Variants in PHLPP2 observed in about 807,000 individuals in gnomAD.
PHLPP2 encodes PH domain leucine-rich repeat-containing protein phosphatase 2.
A neutral mutation model predicts 124.9 loss-of-function variants in PHLPP2; 66 were observed. The ratio of observed to expected loss-of-function variants is 0.53; its 90% CI spans 0.43 to 0.65. The LOEUF (loss-of-function observed/expected upper bound fraction) is 0.65, where lower values mean the gene tolerates loss of function less well. Ranked by LOEUF, PHLPP2 falls within the 30% of genes least tolerant of loss-of-function variation. The pLI, the probability that PHLPP2 is intolerant of heterozygous loss-of-function variation, is 0.00. For missense variants in PHLPP2, 1,685 were observed against 1,600.4 expected, an observed-to-expected ratio of 1.05 and a Z score of -0.90; for synonymous variants, 681 against 624.7, an observed-to-expected ratio of 1.09 and a Z score of -1.34.
chr16:71,662,593 TATA>T (rs779114906), intron 13 of PHLPP2, among the ~76,000 whole-genome samples: 5 of 152,210 alleles, frequency 3.3e-5, no homozygotes, highest in Non-Finnish European at 7.3e-5. Context: ...TCATAAAAAT[TATA>T]ATTTTATAAT....
chr16:71,723,725 C>A, intron 1 of PHLPP2: 2 of 982,158 alleles, frequency 2.0e-6, no homozygotes, highest in Non-Finnish European at 2.8e-6. Context: ...GTCCGCTTGC[C>A]CGCTCGCCCG....
chr16:71,693,577 C>T (rs1475623878), intron 3 of PHLPP2, among the ~76,000 whole-genome samples: 1 of 152,194 alleles, frequency 6.6e-6, no homozygotes, highest in African/African-American at 2.4e-5. Flanking sequence ...CCAGACTGAT[C>T]TTCCCTGGGC....
At chr16:71,718,573 C>G (rs1312176027) in intron 1 of PHLPP2, among the ~76,000 whole-genome samples, 5 of 142,852 alleles carry the variant, frequency 3.5e-5, no homozygotes, top group Non-Finnish European at 6.0e-5. Flanking sequence ...GTGCAAGACT[C>G]TATCTCAAAA....
At chr16:71,701,139 GACCATCCCTCCAGCTAA>G (rs566476849) in intron 3 of PHLPP2, among the ~76,000 whole-genome samples, 1,781 of 152,120 alleles carry the variant, frequency 0.012, 17 homozygotes, top group South Asian at 0.034. Context: ...CCCAAGCCAG[GACCATCCCTCCAGCTAA>G]ACTGCTCCTA....
At chr16:71,685,402 T>C (rs1051036464) in intron 4 of PHLPP2, among the ~76,000 whole-genome samples, 3 of 152,220 alleles carry the variant, frequency 2.0e-5, no homozygotes, top group African/African-American at 7.2e-5. Context: ...AGTCTTTTTA[T>C]AGTCATGGAA....
At chr16:71,720,234 G>A (rs1157513213) in intron 1 of PHLPP2, among the ~76,000 whole-genome samples, 2 of 151,864 alleles carry the variant, frequency 1.3e-5, no homozygotes, top group Non-Finnish European at 2.9e-5. Flanking sequence ...CTCCCAAAGT[G>A]CTGGGATTAC....
intron 3 of PHLPP2, among the ~76,000 whole-genome samples, chr16:71,693,363 T>G (rs1268433616): frequency 6.6e-6 from 1 of 152,152 alleles, no homozygotes; most frequent in African/African-American, 2.4e-5. Context: ...TTCTCACAAC[T>G]CAAGCTCATC....
rs2045421311 is a variant in PHLPP2 at position 71,724,643 on chromosome 16, G to A, written c.-321C>T. ...TTGTTGCCAATGGGCCAAATTTGGA[G>A]TCAGCCAGCCTGTTTCCAGATCTCC... On this transcript the variant is annotated 5_prime_UTR_variant, in exon 1 of 19. Transcript: ENST00000568954. The A allele has an allele frequency of 6.6e-6, 1 of 152,218 alleles. No homozygotes were observed. The highest frequency in any genetic ancestry group is 1.9e-4 in the East Asian group (1 of 5,200). 9.4% of individuals were successfully genotyped at this position (152,218 alleles called of 1,614,324 possible).
intron 4 of PHLPP2, among the ~76,000 whole-genome samples, chr16:71,688,565 T>C (rs757487252): frequency 1.4e-4 from 21 of 152,054 alleles, no homozygotes; most frequent in Admixed American, 3.9e-4. Flanking sequence ...CTTCTGATGG[T>C]TGAGTTTGTG....
intron 10 of PHLPP2, among the ~76,000 whole-genome samples, chr16:71,671,579 C>T (rs1219025601): frequency 6.6e-6 from 1 of 151,816 alleles, no homozygotes; most frequent in African/African-American, 2.4e-5. Context: ...ATAAGACCAA[C>T]ATGAGTTATA....
intron 9 of PHLPP2, among the ~76,000 whole-genome samples, chr16:71,673,684 A>G (rs1252337233): frequency 6.6e-6 from 1 of 152,168 alleles, no homozygotes; most frequent in African/African-American, 2.4e-5. Context: ...GTACATACTT[A>G]AATATTTACA....
intron 9 of PHLPP2, among the ~76,000 whole-genome samples, chr16:71,674,861 G>A (rs1458483523): frequency 6.6e-6 from 1 of 152,144 alleles, no homozygotes; most frequent in South Asian, 2.1e-4. Context: ...GATGGGCATG[G>A]TGGCACACTC....
At chr16:71,670,895 T>C (rs2044886999) in intron 10 of PHLPP2, among the ~76,000 whole-genome samples, 1 of 151,884 alleles carries the variant, frequency 6.6e-6, no homozygotes, top group Non-Finnish European at 1.5e-5. Flanking sequence ...AAGGTGGGTG[T>C]TTGGAAGCTG....
intron 2 of PHLPP2, among the ~76,000 whole-genome samples, chr16:71,710,513 T>C (rs991770138): frequency 5.3e-5 from 8 of 152,236 alleles, no homozygotes; most frequent in Admixed American, 2.6e-4. Flanking sequence ...GTTTAGTCAA[T>C]GCAACACCAA....
Position 71,702,638 on chromosome 16 carries a change from A to C in PHLPP2, c.378T>G (p.Ala126=). The change falls in exon 3 of 19, where the codon GCT becomes GCG. Residue 126 remains alanine (A), a synonymous_variant. Coordinates refer to ENST00000568954, the MANE Select transcript of PHLPP2 (RefSeq NM_015020.3). ...TCATACAGCCGAGGTCAGGATTTGTAGCCTCCTCCTGTATGCGCACAGGAT... is the reference window on the plus strand; with the variant it reads ...TCATACAGCCGAGGTCAGGATTTGTCGCCTCCTCCTGTATGCGCACAGGAT... ...FDDPVRIQEE[A]TNPDLGCMIR... The C allele has an allele frequency of 6.2e-7, 1 of 1,610,998 alleles. No homozygotes were observed. The highest frequency in any genetic ancestry group is 1.1e-5 in the South Asian group (1 of 90,884).
At chr16:71,707,042 C>T (rs893797992) in intron 2 of PHLPP2, among the ~76,000 whole-genome samples, 1 of 149,788 alleles carries the variant, frequency 6.7e-6, no homozygotes, top group Non-Finnish European at 1.5e-5. Context: ...CAGGCTCCGC[C>T]CCCTGGGGTT....
chr16:71,665,842 GA>G (rs1295876550), intron 12 of PHLPP2, among the ~76,000 whole-genome samples: 1 of 152,140 alleles, frequency 6.6e-6, no homozygotes, highest in African/African-American at 2.4e-5. Flanking sequence ...GTTACATAAA[GA>G]AAACTTCCTT....
At chr16:71,707,370 C>A (rs1053331548) in intron 2 of PHLPP2, among the ~76,000 whole-genome samples, 1 of 152,012 alleles carries the variant, frequency 6.6e-6, no homozygotes, top group African/African-American at 2.4e-5. Flanking sequence ...ATAGGAGTGT[C>A]TTTGTTATTC....
At chr16:71,697,425 A>G (rs1227713613) in intron 3 of PHLPP2, among the ~76,000 whole-genome samples, 1 of 152,142 alleles carries the variant, frequency 6.6e-6, no homozygotes. Flanking sequence ...TAACCGCAAG[A>G]AAGGCTGCGA....
Sources: gnomAD v4.1 joint callset for allele counts (sites outside exome capture counted in the v4.1 genomes callset) on GRCh38, gnomAD v4.1.1 for gene constraint, MANE v1.5 for transcripts, NCBI Gene and HGNC (gene_info 2026-07-23, HGNC 2026-07-21) for gene names.